Variants in SH3RF1 observed in about 807,000 individuals in gnomAD.
The protein encoded by SH3RF1 is E3 ubiquitin-protein ligase SH3RF1.
A neutral mutation model predicts 74.0 loss-of-function variants in SH3RF1; 32 were observed. The observed-to-expected ratio is 0.43, with a 90% CI of 0.33 to 0.58. The LOEUF is 0.58. Among genes scored for constraint, SH3RF1 ranks in the 20% least tolerant of loss-of-function variants. The pLI is 0.05. For missense variants in SH3RF1, 954 were observed against 1,130.9 expected (o/e 0.84, Z 2.24); for synonymous variants, 396 against 439.6 (o/e 0.90, Z 1.24).
intron 6 of SH3RF1, among the ~76,000 whole-genome samples, chr4:169,127,215 G>T (rs966512331): frequency 2.0e-5 from 3 of 152,168 alleles, no homozygotes; most frequent in African/African-American, 4.8e-5. Context: ...CATGTGAAAT[G>T]TATGGGACAA....
intron 2 of SH3RF1, among the ~76,000 whole-genome samples, chr4:169,205,042 T>C (rs147088585): frequency 2.8e-4 from 42 of 152,312 alleles, no homozygotes; most frequent in African/African-American, 9.6e-4. Context: ...AAAGGGAAAT[T>C]TACTAGCAAC....
At chr4:169,150,009 G>C (rs549112328) in intron 4 of SH3RF1, among the ~76,000 whole-genome samples, 215 of 152,212 alleles carry the variant, frequency 1.4e-3, no homozygotes, top group African/African-American at 5.0e-3. Flanking sequence ...TCATTCCCTA[G>C]AAGAGGAAGC....
chr4:169,129,642 C>T (rs1287703953), intron 6 of SH3RF1, among the ~76,000 whole-genome samples: 1 of 152,158 alleles, frequency 6.6e-6, no homozygotes, highest in Non-Finnish European at 1.5e-5. Flanking sequence ...GATTTGGTAT[C>T]GGATCTGTCA....
chr4:169,249,412 T>G (rs1327603956), intron 2 of SH3RF1, among the ~76,000 whole-genome samples: 5 of 152,308 alleles, frequency 3.3e-5, no homozygotes, highest in South Asian at 4.1e-4. Flanking sequence ...AGAGTTGCCC[T>G]CACCAGATAA....
intron 5 of SH3RF1, among the ~76,000 whole-genome samples, chr4:169,130,730 C>T (rs548889391): frequency 6.6e-6 from 1 of 152,212 alleles, no homozygotes; most frequent in East Asian, 1.9e-4. Flanking sequence ...CAATGTCAAG[C>T]CAAATTAGTT....
intron 2 of SH3RF1, among the ~76,000 whole-genome samples, chr4:169,265,671 C>T (rs932740496): frequency 6.6e-6 from 1 of 152,080 alleles, no homozygotes; most frequent in Non-Finnish European, 1.5e-5. Flanking sequence ...CGGGGTTTCA[C>T]CATGTTGACC....
At chr4:169,116,097 G>A (rs565877510) in intron 10 of SH3RF1, among the ~76,000 whole-genome samples, 172 bp downstream of exon 10, 11 of 152,198 alleles carry the variant, frequency 7.2e-5, no homozygotes, top group East Asian at 5.8e-4. Context: ...TGGTGCCTGC[G>A]TTTCTTCCCC....
chr4:169,212,908 T>C (rs942572376), intron 2 of SH3RF1, among the ~76,000 whole-genome samples: 3 of 152,234 alleles, frequency 2.0e-5, no homozygotes, highest in African/African-American at 7.2e-5. Flanking sequence ...TACTGTCTCA[T>C]AGTTTTGCTT....
chr4:169,252,211 A>G (rs1731117109), intron 2 of SH3RF1, among the ~76,000 whole-genome samples: 1 of 152,248 alleles, frequency 6.6e-6, no homozygotes, highest in South Asian at 2.1e-4. Flanking sequence ...CAGTGATATC[A>G]ATGCAAAACA....
chr4:169,270,790 G>GC (rs1328064101), intron 1 of SH3RF1, 69 bp downstream of exon 1: 1 of 152,248 alleles, frequency 6.6e-6, no homozygotes, highest in South Asian at 2.1e-4. Flanking sequence ...CGAGACCACC[G>GC]CCTTCTCCGC....
chr4:169,179,643 C>T (rs1734475672), intron 2 of SH3RF1, among the ~76,000 whole-genome samples: 1 of 152,172 alleles, frequency 6.6e-6, no homozygotes, highest in African/African-American at 2.4e-5. Context: ...GAATGGTGCA[C>T]AGCTTGAAAA....
At chr4:169,189,619 G>A (rs1227914273) in intron 2 of SH3RF1, among the ~76,000 whole-genome samples, 2 of 152,180 alleles carry the variant, frequency 1.3e-5, no homozygotes, top group Non-Finnish European at 2.9e-5. Flanking sequence ...AACCAGTGGT[G>A]GCCTATGCTG....
intron 2 of SH3RF1, among the ~76,000 whole-genome samples, chr4:169,200,227 T>G (rs1579133590): frequency 6.6e-6 from 1 of 152,162 alleles, no homozygotes; most frequent in Non-Finnish European, 1.5e-5. Flanking sequence ...TTCTAAAATA[T>G]GTTTGATGCA....
intron 2 of SH3RF1, among the ~76,000 whole-genome samples, chr4:169,247,953 A>G (rs1054473371): frequency 3.3e-5 from 5 of 152,214 alleles, no homozygotes; most frequent in African/African-American, 1.2e-4. Context: ...ACGCCACTCC[A>G]GTTAGAATGG....
At chr4:169,197,641 C>A (rs1414235003) in intron 2 of SH3RF1, among the ~76,000 whole-genome samples, 6 of 103,710 alleles carry the variant, frequency 5.8e-5, no homozygotes, top group Admixed American at 1.0e-4. Context: ...AAAAAAAAAG[C>A]CCACCTTAGA....
chr4:169,270,433 G>T (rs1731428680), intron 1 of SH3RF1, among the ~76,000 whole-genome samples: 1 of 151,476 alleles, frequency 6.6e-6, no homozygotes, highest in South Asian at 2.1e-4. Flanking sequence ...CTTTAGCTCA[G>T]GCCGGGGACA....
chr4:169,217,821 T>C (rs1432382964), intron 2 of SH3RF1, among the ~76,000 whole-genome samples: 2 of 152,170 alleles, frequency 1.3e-5, no homozygotes, highest in Non-Finnish European at 2.9e-5. Context: ...CAGAACCGTA[T>C]ACTTTAAAAT....
At chr4:169,247,080 G>A (rs898015693) in intron 2 of SH3RF1, among the ~76,000 whole-genome samples, 29 of 152,176 alleles carry the variant, frequency 1.9e-4, no homozygotes, top group Admixed American at 1.2e-3. Context: ...GGACTTCAAG[G>A]GGCTATTTAG....
At chr4:169,233,275 C>T (rs1014839253) in intron 2 of SH3RF1, among the ~76,000 whole-genome samples, 2 of 140,140 alleles carry the variant, frequency 1.4e-5, no homozygotes, top group Non-Finnish European at 3.1e-5. Context: ...AAAAAAAAAC[C>T]GTGGTTTACT....
Sources: gnomAD v4.1 joint callset for allele counts (sites outside exome capture counted in the v4.1 genomes callset) on GRCh38, gnomAD v4.1.1 for gene constraint, MANE v1.5 for transcripts, NCBI Gene and HGNC (gene_info 2026-07-23, HGNC 2026-07-21) for gene names.